HIC2: variants seen among roughly 807,000 people sequenced by gnomAD.
HIC2 encodes the protein HIC ZBTB transcriptional repressor 2.
In HIC2, 2 loss-of-function variants were observed where a neutral mutation model predicts 39.5. The ratio of observed to expected loss-of-function variants is 0.05; its 90% CI spans 0.02 to 0.16. The LOEUF (loss-of-function observed/expected upper bound fraction) is 0.16, where lower values mean the gene tolerates loss of function less well. Among genes scored for constraint, HIC2 ranks in the 10% least tolerant of loss-of-function variants. The pLI, the probability that HIC2 is intolerant of heterozygous loss-of-function variation, is 1.00. For synonymous variants in HIC2, 399 were observed against 368.8 expected, an observed-to-expected ratio of 1.08 and a Z score of -0.94; for missense variants, 713 against 863.5, an observed-to-expected ratio of 0.83 and a Z score of 2.18.
chr22:21,446,890 A>G lies in HIC2; in HGVS notation c.*147A>G. The G allele has an allele frequency of 9.0e-7, 1 of 1,107,758 alleles. No homozygotes were observed. The highest frequency in any genetic ancestry group is 1.3e-6 in the Non-Finnish European group (1 of 799,234). 68.6% of individuals were successfully genotyped at this position (1,107,758 alleles called of 1,614,324 possible). On this transcript the variant is annotated 3_prime_UTR_variant, in exon 3 of 3. Coordinates refer to ENST00000407464, the MANE Select transcript of HIC2 (RefSeq NM_015094.3). ...TCTGGCCCCCACTGCCCACACCCAGAGCTTTAATGGACAGTCCGTACCAAG... is the reference window on the plus strand; with the variant it reads ...TCTGGCCCCCACTGCCCACACCCAGGGCTTTAATGGACAGTCCGTACCAAG...
chr22:21,447,838 A>G lies in HIC2; in HGVS notation c.*1095A>G, dbSNP rs1292872868. 1.3e-5 allele frequency: 2 copies of G among 152,708 alleles called. No homozygotes were observed. The highest frequency in any genetic ancestry group is 2.9e-5 in the Non-Finnish European group (2 of 68,078). The allele number at this position is 152,708 out of a possible 1,614,324, so 9.5% of individuals were successfully genotyped here. ...TCTATGTGTGGTGTGTGCCGTATGC[A>G]TGGGCAGATGTTTCGCTTTCCCTCC... On this transcript the variant is annotated 3_prime_UTR_variant, in exon 3 of 3. Transcript: ENST00000407464.
At position 21,447,025 on chromosome 22, in the gene HIC2, T is replaced by A; in HGVS notation, c.*282T>A. On this transcript the variant is annotated 3_prime_UTR_variant, in exon 3 of 3. Coordinates refer to ENST00000407464, the MANE Select transcript of HIC2 (RefSeq NM_015094.3). Reference sequence around the variant, plus strand: ...CGCAGGGCCTGTGGGCTGGGTCACGTGGGTCTCGCTGGGACCTGGTCCCTT... The same window carrying A: ...CGCAGGGCCTGTGGGCTGGGTCACGAGGGTCTCGCTGGGACCTGGTCCCTT... The A allele has an allele frequency of 2.2e-6, 1 of 452,288 alleles. No individual in the cohort carries two copies. Among genetic ancestry groups the A allele is most frequent in the Non-Finnish European group, 4.0e-6 (1 of 253,074 alleles). 28.0% of individuals were successfully genotyped at this position (452,288 alleles called of 1,614,324 possible).
rs955493605 is a variant in HIC2, at chr22:21,447,993, G to C, written c.*1250G>C. On this transcript the variant is annotated 3_prime_UTR_variant, in exon 3 of 3. Coordinates refer to ENST00000407464, the MANE Select transcript of HIC2 (RefSeq NM_015094.3). ...TCCTTCGCTTAGCACCTAGGAAGTC[G>C]TGTGCAGGAGCCAGCAGGGCGCCAA... 6.5e-6 allele frequency: 1 copy of C among 152,784 alleles called. No homozygotes were observed. Among genetic ancestry groups the C allele is most frequent in the Non-Finnish European group, 1.5e-5 (1 of 68,054 alleles). The allele number at this position is 152,784 out of a possible 1,614,324, so 9.5% of individuals were successfully genotyped here. A position where few individuals can be genotyped will look rare whatever the true frequency, so the allele number is the denominator to read the frequency against.
intron 1 of HIC2, 140 bp downstream of exon 1, chr22:21,417,700 AGCGTCTGGCGGG>A (rs1382811229): frequency 7.0e-6 from 1 of 143,266 alleles, no homozygotes; most frequent in Non-Finnish European, 1.5e-5. Context: ...GGGACGCGCT[AGCGTCTGGCGGG>A]CCTGGGCTGG....
chr22:21,445,738 C>A lies in HIC2; in HGVS notation c.843C>A (p.Pro281=). ...TGAGCGACAGCCAACATGGCTCGCC[C>A]CCTGCGGCCTCTGCTCCTCCCGTTG... ...AQLSDSQHGS[P]PAASAPPVAN... The change falls in exon 3 of 3, where the codon CCC becomes CCA. Residue 281 remains proline, a synonymous_variant. Coordinates refer to ENST00000407464, the MANE Select transcript of HIC2 (RefSeq NM_015094.3). 6.2e-7 allele frequency: 1 copy of A among 1,611,936 alleles called. No homozygotes were observed. Among genetic ancestry groups the A allele is most frequent in the Non-Finnish European group, 8.5e-7 (1 of 1,179,618 alleles).
rs1924137183 is a variant in HIC2 at position 21,450,722 on chromosome 22, A to G, written c.*3979A>G. The stretch of plus-strand genomic sequence containing the variant: ...GGGGCAGATGTTACTGAACCTGTGA[A>G]TCAGACGCCAGGAGTGAGGGCTGGG... On this transcript the variant is annotated 3_prime_UTR_variant, in exon 3 of 3. Transcript: ENST00000407464. 6.5e-6 allele frequency: 1 copy of G among 152,792 alleles called. No individual in the cohort carries two copies. The highest frequency in any genetic ancestry group is 2.1e-4 in the South Asian group (1 of 4,832). The allele number at this position is 152,792 out of a possible 1,614,324, so 9.5% of individuals were successfully genotyped here. A position where few individuals can be genotyped will look rare whatever the true frequency, so the allele number is the denominator to read the frequency against.
chr22:21,420,529 TG>T (rs1449102004), intron 1 of HIC2: 2 of 108,804 alleles, frequency 1.8e-5, no homozygotes, highest in East Asian at 1.0e-3. Context: ...GGCATAGCGG[TG>T]GCGTGGGAGG....
intron 2 of HIC2, among the ~76,000 whole-genome samples, chr22:21,444,056 T>C (rs1476327548): frequency 6.6e-6 from 1 of 152,228 alleles, no homozygotes; most frequent in South Asian, 2.1e-4. Flanking sequence ...CAGAACCCCA[T>C]GTCTTGCTGC....
chr22:21,445,854 A>G lies in HIC2; in HGVS notation c.959A>G (p.Glu320Gly). ...GAGGACAACCACCTGAGCCTGCTGG[A>G]GGCGCCTGGTGGGCAGCCTCGGAAG... Reference protein sequence around the residue: ...GAEDNHLSLLEAPGGQPRKSL... With the variant: ...GAEDNHLSLLGAPGGQPRKSL... The change falls in exon 3 of 3, where the codon GAG (glutamate) becomes GGG (glycine). Residue 320 changes from glutamate to glycine, a missense_variant. Glu to Gly is a moderately conservative substitution (Grantham distance 98). Transcript: ENST00000407464. The G allele has an allele frequency of 6.3e-7, 1 of 1,592,058 alleles. No individual in the cohort carries two copies. The highest frequency in any genetic ancestry group is 1.1e-5 in the South Asian group (1 of 88,872).
chr22:21,448,101 G>A lies in HIC2; in HGVS notation c.*1358G>A, dbSNP rs528796371. 3.9e-5 allele frequency: 6 copies of A among 152,634 alleles called. No individual in the cohort carries two copies. Among genetic ancestry groups the A allele is most frequent in the Admixed American group, 6.5e-5 (1 of 15,296 alleles). 9.5% of individuals were successfully genotyped at this position (152,634 alleles called of 1,614,324 possible). ...CACCTCGAGGGGACCCTGGCACCCCGGGCACACAAACCTCTGTGGTATAGG... is the reference window on the plus strand; with the variant it reads ...CACCTCGAGGGGACCCTGGCACCCCAGGCACACAAACCTCTGTGGTATAGG... On this transcript the variant is annotated 3_prime_UTR_variant, in exon 3 of 3. Coordinates refer to ENST00000407464, the MANE Select transcript of HIC2 (RefSeq NM_015094.3).
Position 21,445,491 on chromosome 22 carries a change from A to G in HIC2, c.596A>G (p.Asp199Gly), listed in dbSNP as rs1238584100. 1 of 1,583,782 alleles carries G rather than the reference A, an allele frequency of 6.3e-7. No individual in the cohort carries two copies. Among genetic ancestry groups the G allele is most frequent in the Non-Finnish European group, 8.6e-7 (1 of 1,168,396 alleles). The change falls in exon 3 of 3, where the codon GAT becomes GGT. Residue 199 changes from aspartate (D) to glycine (G), a missense_variant. By Grantham distance (94) the Asp-to-Gly change is moderately conservative (BLOSUM62 -1). Around this residue, in one of 5 missense-constraint regions of HIC2, gnomAD observed 457 missense variants for 420.2 expected, o/e 1.09. Transcript: ENST00000407464. ...CTCCCCCAAGCCAAAGGCTCAGACG[A>G]TGAACTCTTTCTTGGTGGCTCTAAC... is the stretch of plus-strand genomic sequence containing the variant. ...QELPQAKGSDDELFLGGSNQD... is the reference protein window; with the variant it reads ...QELPQAKGSDGELFLGGSNQD...
At position 21,451,247 on chromosome 22, in the gene HIC2, T is replaced by G. The variant is rs1924178760; in HGVS notation, c.*4504T>G. ...GGGAGGGACACCGGGATCGCACTCCTGTACTGGCCACCGCCGCTGTCACTT... is the reference window on the plus strand; with the variant it reads ...GGGAGGGACACCGGGATCGCACTCCGGTACTGGCCACCGCCGCTGTCACTT... On this transcript the variant is annotated 3_prime_UTR_variant, in exon 3 of 3. Transcript: ENST00000407464. 3 of 152,818 alleles carry G rather than the reference T, an allele frequency of 2.0e-5. No individual in the cohort carries two copies. Among genetic ancestry groups the G allele is most frequent in the Non-Finnish European group, 4.4e-5 (3 of 68,056 alleles). 9.5% of individuals were successfully genotyped at this position (152,818 alleles called of 1,614,324 possible).
intron 1 of HIC2, among the ~76,000 whole-genome samples, chr22:21,425,509 C>T (rs1923199500): frequency 6.8e-6 from 1 of 146,208 alleles, no homozygotes; most frequent in Non-Finnish European, 1.5e-5. Flanking sequence ...ACTGGGATTA[C>T]AGGCACCCGC....
At position 21,417,515 on chromosome 22, in the gene HIC2, G is replaced by A. The variant is rs1922910697; in HGVS notation, c.-119G>A. 6.8e-6 allele frequency: 1 copy of A among 146,334 alleles called. No individual in the cohort carries two copies. The highest frequency in any genetic ancestry group is 6.8e-5 in the Admixed American group (1 of 14,752). 9.1% of individuals were successfully genotyped at this position (146,334 alleles called of 1,614,324 possible). Reference sequence around the variant, plus strand: ...GCGCTGAGGACAAGGGCCGCTGGTAGGGCCGGCCGGCCGGCGGGCGGAGCG... The same window carrying A: ...GCGCTGAGGACAAGGGCCGCTGGTAAGGCCGGCCGGCCGGCGGGCGGAGCG... On this transcript the variant is annotated 5_prime_UTR_variant, in exon 1 of 3. Coordinates refer to ENST00000407464, the MANE Select transcript of HIC2 (RefSeq NM_015094.3).
chr22:21,446,320 G>A lies in HIC2; in HGVS notation c.1425G>A (p.Gly475=). The change falls in exon 3 of 3, where the codon GGG becomes GGA. Residue 475 remains glycine (G), a synonymous_variant. Transcript: ENST00000407464. ...TEEELFIKEE[G]AYETGSGGAE... ...AAGAGCTGTTCATCAAGGAAGAGGG[G>A]GCCTACGAGACAGGCAGTGGGGGTG... 6.2e-7 allele frequency: 1 copy of A among 1,613,228 alleles called. No homozygotes were observed. Among genetic ancestry groups the A allele is most frequent in the Non-Finnish European group, 8.5e-7 (1 of 1,179,990 alleles).
Position 21,451,322 on chromosome 22 carries a change from G to A in HIC2, c.*4579G>A, listed in dbSNP as rs1924185175. 1 of 152,784 alleles carries A rather than the reference G, an allele frequency of 6.5e-6. No homozygotes were observed. Among genetic ancestry groups the A allele is most frequent in the African/African-American group, 2.4e-5 (1 of 41,452 alleles). 9.5% of individuals were successfully genotyped at this position (152,784 alleles called of 1,614,324 possible). A position where few individuals can be genotyped will look rare whatever the true frequency, so the allele number is the denominator to read the frequency against. On this transcript the variant is annotated 3_prime_UTR_variant, in exon 3 of 3. Coordinates refer to ENST00000407464, the MANE Select transcript of HIC2 (RefSeq NM_015094.3). ...AGAGTTTGTATAAATTCAGGTCAGA[G>A]CTGCAGCTACACAGCTGCCCAGTGT...
At position 21,447,300 on chromosome 22, in the gene HIC2, C is replaced by T. The variant is rs1923910306; in HGVS notation, c.*557C>T. On this transcript the variant is annotated 3_prime_UTR_variant, in exon 3 of 3. Transcript: ENST00000407464. ...GACCCCACCGCCTACCTCTCTACAT[C>T]TAAAGAGCCCTCTGGGCCTGTGTTG... 6.5e-6 allele frequency: 1 copy of T among 154,636 alleles called. No individual in the cohort carries two copies. The highest frequency in any genetic ancestry group is 2.0e-4 in the South Asian group (1 of 4,888). The allele number at this position is 154,636 out of a possible 1,614,324, so 9.6% of individuals were successfully genotyped here. A position where few individuals can be genotyped will look rare whatever the true frequency, so the allele number is the denominator to read the frequency against.
chr22:21,448,389 G>A lies in HIC2; in HGVS notation c.*1646G>A, dbSNP rs1403867548. ...GGGCCCACCTCTCGCCCCTCATCTT[G>A]GTAATTAGCCAGCCTCAGATACTTC... is the stretch of plus-strand genomic sequence containing the variant. On this transcript the variant is annotated 3_prime_UTR_variant, in exon 3 of 3. Transcript: ENST00000407464. 6.5e-6 allele frequency: 1 copy of A among 152,778 alleles called. No individual in the cohort carries two copies. The highest frequency in any genetic ancestry group is 2.4e-5 in the African/African-American group (1 of 41,438). The allele number at this position is 152,778 out of a possible 1,614,324, so 9.5% of individuals were successfully genotyped here.
At position 21,446,452 on chromosome 22, in the gene HIC2, G is replaced by A. The variant is rs764115290; in HGVS notation, c.1557G>A (p.Thr519=). Residue 519 remains threonine (T), a synonymous_variant, in exon 3 of 3, where the codon ACG becomes ACA. Transcript: ENST00000407464. ...VCEKTYKDPA[T]LRQHEKTHWL... ...AGAAGACCTACAAGGACCCAGCCAC[G>A]CTGCGGCAGCACGAGAAGACGCACT... 5 of 1,612,206 alleles carry A rather than the reference G, an allele frequency of 3.1e-6. No individual in the cohort carries two copies. The highest frequency in any genetic ancestry group is 4.2e-6 in the Non-Finnish European group (5 of 1,180,014).
Sources: allele counts gnomAD v4.1 joint callset (sites outside exome capture counted in the v4.1 genomes callset), GRCh38; gene constraint gnomAD v4.1.1; regional missense constraint gnomAD v4.1.1; transcripts MANE v1.5; gene names NCBI Gene and HGNC (gene_info 2026-07-23, HGNC 2026-07-21).